The following CUX2 variants were observed in gnomAD, a reference collection of about 807,000 sequenced individuals.
CUX2 encodes homeobox protein cut-like 2.
Under a neutral mutation model 144.8 loss-of-function variants are expected in CUX2, and 40 were observed. The ratio of observed to expected loss-of-function variants is 0.28; its 90% CI spans 0.21 to 0.36. The LOEUF (loss-of-function observed/expected upper bound fraction) is 0.36. CUX2 is among the 10% of genes least tolerant of loss of function. The pLI is 1.00. For synonymous variants in CUX2, 827 were observed against 875.6 expected (o/e 0.94, Z 0.98); for missense variants, 1,615 against 1,994.0 (o/e 0.81, Z 3.62).
At chr12:111,338,511 T>A (rs906256136) in intron 20 of CUX2, 37 bp downstream of exon 20, 2 of 1,563,550 alleles carry the variant, frequency 1.3e-6, no homozygotes, top group Non-Finnish European at 1.7e-6. Context: ...CAGCACTGGG[T>A]CTCAGATTTT....
chr12:111,238,097 T>G (rs1565866407), intron 3 of CUX2, among the ~76,000 whole-genome samples: 1 of 152,186 alleles, frequency 6.6e-6, no homozygotes, highest in Non-Finnish European at 1.5e-5. Flanking sequence ...AGATCTTTGT[T>G]CAAGTGTCAC....
intron 1 of CUX2, among the ~76,000 whole-genome samples, chr12:111,149,650 C>T (rs896910938): frequency 6.6e-5 from 10 of 152,116 alleles, no homozygotes; most frequent in African/African-American, 2.4e-4. Flanking sequence ...GACAGTCACT[C>T]GTGTTTTAAA....
At chr12:111,098,803 G>T (rs1873005121) in intron 1 of CUX2, among the ~76,000 whole-genome samples, 2 of 152,368 alleles carry the variant, frequency 1.3e-5, no homozygotes, top group South Asian at 4.1e-4. Context: ...CCACGCTGGA[G>T]GGACTTGGCC....
At chr12:111,143,959 G>T (rs1251528056) in intron 1 of CUX2, among the ~76,000 whole-genome samples, 1 of 152,134 alleles carries the variant, frequency 6.6e-6, no homozygotes, top group Non-Finnish European at 1.5e-5. Context: ...AAACTGACTC[G>T]GCATTCAAGC....
At chr12:111,330,700 T>C (rs1435574528) in intron 18 of CUX2, among the ~76,000 whole-genome samples, 142 of 13,088 alleles carry the variant, frequency 0.011, 3 homozygotes, top group African/African-American at 0.038. Context: ...TATATATATA[T>C]ATATATATAT....
At chr12:111,049,145 G>T (rs1323449290) in intron 1 of CUX2, among the ~76,000 whole-genome samples, 1 of 151,630 alleles carries the variant, frequency 6.6e-6, no homozygotes, top group African/African-American at 2.4e-5. Flanking sequence ...ATCCATCCAT[G>T]AATCCTTCCA....
intron 1 of CUX2, among the ~76,000 whole-genome samples, chr12:111,048,470 G>A (rs746490956): frequency 1.4e-4 from 22 of 152,224 alleles, no homozygotes; most frequent in African/African-American, 3.1e-4. Flanking sequence ...CTTGGTAAGC[G>A]TATGGCTGGT....
chr12:111,081,590 A>G (rs917899994), intron 1 of CUX2, among the ~76,000 whole-genome samples: 4 of 152,122 alleles, frequency 2.6e-5, no homozygotes, highest in Non-Finnish European at 5.9e-5. Context: ...TTCTCCACCT[A>G]TAGGAAGGAG....
At position 111,061,090 on chromosome 12, in the gene CUX2, C is replaced by T. The variant is rs180766320; in HGVS notation, c.63+26850C>T. Among the ~76,000 whole-genome samples the T allele has an allele frequency of 0.033, 5,039 of 152,128 alleles. 305 individuals carry two copies. The highest frequency in any genetic ancestry group is 0.12 in the African/African-American group (4,801 of 41,446). Reference sequence around the variant, plus strand: ...CCTTGGGGCTGTTCATGGGAGGCCTCCCCTCATGGCTGTGGCCCTGCAGAG... The same window carrying T: ...CCTTGGGGCTGTTCATGGGAGGCCTTCCCTCATGGCTGTGGCCCTGCAGAG... On this transcript the variant is annotated intron_variant, in intron 1 of 21. Transcript: ENST00000261726. This position sits in a 1 kb window ranked among gnomAD's most constrained non-coding sequence, Gnocchi z 4.2.
intron 3 of CUX2, among the ~76,000 whole-genome samples, chr12:111,222,025 C>G: frequency 6.6e-6 from 1 of 152,128 alleles, no homozygotes; most frequent in East Asian, 1.9e-4. Flanking sequence ...ACGAAAGCCT[C>G]GCTAATTATA....
Position 111,322,402 on chromosome 12 carries a change from C to A in CUX2, c.2767-19C>A, listed in dbSNP as rs1431865711. 4.5e-6 allele frequency: 7 copies of A among 1,545,172 alleles called. No individual in the cohort carries two copies. In the South Asian group the frequency reaches 6.0e-5, roughly 13 times the overall value. On this transcript the variant is annotated intron_variant, in intron 17 of 21. Transcript: ENST00000261726. This position sits in a 1 kb window ranked among gnomAD's most constrained non-coding sequence, Gnocchi z 4.2. Reference sequence around the variant, plus strand: ...TCCCAGGGGCCTGCTGACCTACCCCCCTGGCCCGCCCCTCGCAGGTGCTGG... The same window carrying A: ...TCCCAGGGGCCTGCTGACCTACCCCACTGGCCCGCCCCTCGCAGGTGCTGG...
intron 1 of CUX2, among the ~76,000 whole-genome samples, chr12:111,045,483 C>T (rs1027781013): frequency 6.6e-6 from 1 of 152,198 alleles, no homozygotes; most frequent in Non-Finnish European, 1.5e-5. Context: ...TACTTTTCTT[C>T]AAGGATCGTG....
intron 18 of CUX2, among the ~76,000 whole-genome samples, chr12:111,323,270 C>T (rs1485611618): frequency 1.3e-5 from 2 of 152,184 alleles, no homozygotes; most frequent in African/African-American, 4.8e-5. Flanking sequence ...GACCCTGAGT[C>T]CAAGGATCTG....
chr12:111,214,219 C>T lies in CUX2; in HGVS notation c.83C>T (p.Ala28Val). The T allele has an allele frequency of 6.3e-7, 1 of 1,578,418 alleles. No individual in the cohort carries two copies. Among genetic ancestry groups the T allele is most frequent in the Non-Finnish European group, 8.6e-7 (1 of 1,163,810 alleles). The change falls in exon 2 of 22, where the codon GCT (alanine) becomes GTT (valine). Residue 28 changes from alanine (A) to valine (V), a missense_variant. Ala to Val is a moderately conservative substitution (Grantham distance 64). This residue lies in a region of CUX2 where 64 missense variants were observed against 64.9 expected (regional missense o/e 0.99). Transcript: ENST00000261726. Reference protein sequence around the residue: ...RRLQKELNSVASELSARQEES... With the variant: ...RRLQKELNSVVSELSARQEES... ...TTCCAGAAGGAGCTTAATTCCGTCG[C>T]TTCTGAGCTGTCTGCACGGCAGGAG...
chr12:111,284,399 A>G (rs903687547), intron 4 of CUX2, among the ~76,000 whole-genome samples: 1 of 152,170 alleles, frequency 6.6e-6, no homozygotes, highest in African/African-American at 2.4e-5. Context: ...TCCGTCTCAA[A>G]GCAGCCTGGT....
At position 111,334,529 on chromosome 12, in the gene CUX2, C is replaced by T; in HGVS notation, c.3015C>T (p.Ser1005=). 6.2e-7 allele frequency: 1 copy of T among 1,614,004 alleles called. No individual in the cohort carries two copies. Reference sequence around the variant, plus strand: ...GCTCCCAGGAGCCGTTGAGCCTGTCCCTGGAGAGCAGCAAGGAGAACCAGC... The same window carrying T: ...GCTCCCAGGAGCCGTTGAGCCTGTCTCTGGAGAGCAGCAAGGAGAACCAGC... ...EKSSQEPLSL[S]LESSKENQQP... Residue 1005 remains serine, a synonymous_variant, in exon 19 of 22, where the codon TCC becomes TCT. Transcript: ENST00000261726.
rs761868344 is a variant in CUX2 at position 111,348,336 on chromosome 12, A to AG, written c.*16dup. Reference sequence around the variant, plus strand: ...GAGTGGGAGTTCTGAAGGCAGGGTGAGGGGGCAAGGGACATACCCTGGTAA... The same window carrying AG: ...GAGTGGGAGTTCTGAAGGCAGGGTGAGGGGGGCAAGGGACATACCCTGGTAA... On this transcript the variant is annotated 3_prime_UTR_variant, in exon 22 of 22. Transcript: ENST00000261726. 1.9e-6 allele frequency: 3 copies of AG among 1,601,724 alleles called. No individual in the cohort carries two copies. Among genetic ancestry groups the AG allele is most frequent in the South Asian group, 1.1e-5 (1 of 89,718 alleles).
At chr12:111,097,199 C>A (rs1872871263) in intron 1 of CUX2, among the ~76,000 whole-genome samples, 1 of 152,188 alleles carries the variant, frequency 6.6e-6, no homozygotes, top group African/African-American at 2.4e-5. Flanking sequence ...AGGAAGGTGA[C>A]ATGAGACCCT....
At chr12:111,072,161 G>T (rs1871280335) in intron 1 of CUX2, among the ~76,000 whole-genome samples, 1 of 152,106 alleles carries the variant, frequency 6.6e-6, no homozygotes, top group African/African-American at 2.4e-5. Flanking sequence ...TAGCTGGCTG[G>T]GATTTTAACT....
Sources: gnomAD v4.1 joint callset for allele counts (sites outside exome capture counted in the v4.1 genomes callset) on GRCh38, gnomAD v4.1.1 for gene constraint, gnomAD v4.1.1 regional missense constraint, Gnocchi (gnomAD v3.1) non-coding constraint, MANE v1.5 for transcripts, NCBI Gene and HGNC (gene_info 2026-07-23, HGNC 2026-07-21) for gene names.